The following DRC8 variants were observed in gnomAD, a reference collection of about 807,000 sequenced individuals.
DRC8 encodes the protein dynein regulatory complex protein 8.
At chr1:244,976,597 C>T in the DRC8 span, among the ~76,000 whole-genome samples, 7 of 152,192 alleles carry the variant, frequency 4.6e-5, no homozygotes, top group South Asian at 8.3e-4. Context: ...TACTACCTCA[C>T]GCCTGTTAGG....
chr1:244,981,057 T>C, the DRC8 span, among the ~76,000 whole-genome samples: 1 of 151,910 alleles, frequency 6.6e-6, no homozygotes, highest in Non-Finnish European at 1.5e-5. Context: ...GTGGCAGGCG[T>C]CTGTAATCCC....
chr1:245,019,018 C>T, the DRC8 span, among the ~76,000 whole-genome samples: 3 of 152,122 alleles, frequency 2.0e-5, no homozygotes, highest in African/African-American at 7.2e-5. Flanking sequence ...CTGACAGTAG[C>T]AGTGAAAAGA....
the DRC8 span, chr1:244,969,902 G>A: frequency 1.3e-5 from 6 of 454,990 alleles, no homozygotes; most frequent in Admixed American, 2.2e-4. Flanking sequence ...GCGGGAGGAG[G>A]AGGCCGGGCC....
the DRC8 span, among the ~76,000 whole-genome samples, chr1:245,098,020 T>C: frequency 2.6e-5 from 4 of 152,102 alleles, no homozygotes; most frequent in Non-Finnish European, 2.9e-5. Context: ...CTGAGCCAGT[T>C]AGGGGACATT....
At chr1:245,055,478 C>T in the DRC8 span, among the ~76,000 whole-genome samples, 3 of 152,028 alleles carry the variant, frequency 2.0e-5, no homozygotes, top group African/African-American at 7.2e-5. Flanking sequence ...TGCCACCACA[C>T]TCGACTAATT....
chr1:245,119,381 G>A, the DRC8 span, among the ~76,000 whole-genome samples: 5 of 151,606 alleles, frequency 3.3e-5, no homozygotes, highest in South Asian at 1.0e-3. Flanking sequence ...ACCATTAAGG[G>A]TAAAGAACTG....
the DRC8 span, among the ~76,000 whole-genome samples, chr1:245,068,750 G>T: frequency 6.6e-6 from 1 of 151,800 alleles, no homozygotes; most frequent in African/African-American, 2.4e-5. Flanking sequence ...ATACCTGGCA[G>T]AACTATAATC....
the DRC8 span, among the ~76,000 whole-genome samples, chr1:245,117,428 A>T: frequency 6.6e-6 from 1 of 151,732 alleles, no homozygotes; most frequent in African/African-American, 2.4e-5. Flanking sequence ...ATTTTATTTT[A>T]TTTATTTATT....
the DRC8 span, among the ~76,000 whole-genome samples, chr1:245,054,245 C>T: frequency 6.6e-6 from 1 of 152,030 alleles, no homozygotes; most frequent in African/African-American, 2.4e-5. Context: ...ACATCACGAT[C>T]TCTGCTCACT....
chr1:245,102,022 TA>T, the DRC8 span, among the ~76,000 whole-genome samples: 1 of 152,320 alleles, frequency 6.6e-6, no homozygotes, highest in South Asian at 2.1e-4. Context: ...TATTAGGCAA[TA>T]AGTAGAGGAA....
the DRC8 span, among the ~76,000 whole-genome samples, chr1:245,006,308 AT>A: frequency 2.0e-3 from 10 of 5,046 alleles, no homozygotes; most frequent in East Asian, 0.45. Context: ...ATGAGTGTTT[AT>A]TTATTTATTT....
At chr1:244,970,851 C>T in the DRC8 span, 1 of 279,668 alleles carries the variant, frequency 3.6e-6, no homozygotes, top group Non-Finnish European at 6.7e-6. Context: ...GCAGGGGGTG[C>T]TGATAATGGC....
the DRC8 span, chr1:245,087,268 A>G: frequency 3.1e-6 from 5 of 1,610,718 alleles, no homozygotes; most frequent in Non-Finnish European, 2.5e-6. Flanking sequence ...TCAAGAGGAA[A>G]TGGAAGAAAT....
At chr1:245,121,268 G>A in the DRC8 span, among the ~76,000 whole-genome samples, 28 of 152,276 alleles carry the variant, frequency 1.8e-4, no homozygotes, top group African/African-American at 5.3e-4. Context: ...AGATGTGATC[G>A]TTGCTGTTCC....
At chr1:244,970,506 G>C in the DRC8 span, 1 of 1,508,622 alleles carries the variant, frequency 6.6e-7, no homozygotes, top group Admixed American at 2.1e-5. Context: ...GGCTGCACGG[G>C]GAAGCGCCGG....
At chr1:245,076,815 C>A in the DRC8 span, among the ~76,000 whole-genome samples, 1 of 151,982 alleles carries the variant, frequency 6.6e-6, no homozygotes, top group Non-Finnish European at 1.5e-5. Flanking sequence ...CACCCTCCAT[C>A]TCCTGGGTTC....
the DRC8 span, among the ~76,000 whole-genome samples, chr1:245,011,443 C>T: frequency 6.6e-6 from 1 of 152,236 alleles, no homozygotes; most frequent in African/African-American, 2.4e-5. Flanking sequence ...CACCAGAATA[C>T]CTGTGTCAGC....
chr1:245,043,316 C>T, the DRC8 span, among the ~76,000 whole-genome samples: 1 of 152,066 alleles, frequency 6.6e-6, no homozygotes, highest in South Asian at 2.1e-4. Flanking sequence ...ACCTGTAATC[C>T]CAGCTACTTG....
the DRC8 span, among the ~76,000 whole-genome samples, chr1:245,029,495 A>T: frequency 3.3e-5 from 5 of 151,704 alleles, no homozygotes; most frequent in Non-Finnish European, 5.9e-5. Flanking sequence ...AAGGGGTTTC[A>T]CTATGTTGGC....
Sources: allele counts gnomAD v4.1 joint callset (sites outside exome capture counted in the v4.1 genomes callset), GRCh38; gene constraint gnomAD v4.1.1; transcripts MANE v1.5; gene names NCBI Gene and HGNC (gene_info 2026-07-23, HGNC 2026-07-21).